NLGN1: variants seen among roughly 807,000 people sequenced by gnomAD.
NLGN1 encodes neuroligin-1.
NLGN1 carries 12 observed loss-of-function variants against 65.5 expected under a neutral mutation model. The ratio of observed to expected loss-of-function variants is 0.18; its 90% CI spans 0.12 to 0.30. NLGN1 has a LOEUF of 0.30. NLGN1 is among the 10% of genes least tolerant of loss of function. The pLI, the probability that NLGN1 is intolerant of heterozygous loss-of-function variation, is 1.00. For missense variants in NLGN1, 750 were observed against 1,007.1 expected (o/e 0.74, Z 3.46); for synonymous variants, 350 against 359.5 (o/e 0.97, Z 0.30).
At chr3:173,905,691 A>G (rs1307560113) in intron 4 of NLGN1, among the ~76,000 whole-genome samples, 1 of 152,204 alleles carries the variant, frequency 6.6e-6, no homozygotes, top group Non-Finnish European at 1.5e-5. Context: ...AATGTTTGGT[A>G]AAAATAACAG....
At chr3:173,736,041 C>T (rs1391649863) in intron 3 of NLGN1, among the ~76,000 whole-genome samples, 2 of 151,842 alleles carry the variant, frequency 1.3e-5, no homozygotes, top group African/African-American at 4.8e-5. Flanking sequence ...GATGGAAGCA[C>T]AGAAAAGTTG....
intron 3 of NLGN1, among the ~76,000 whole-genome samples, chr3:173,767,260 G>A (rs1191406854): frequency 6.6e-6 from 1 of 152,014 alleles, no homozygotes. Flanking sequence ...TCTTATACTT[G>A]ATGACCAAAT....
chr3:173,782,461 A>C (rs755992339), intron 3 of NLGN1, among the ~76,000 whole-genome samples: 3 of 152,230 alleles, frequency 2.0e-5, no homozygotes, highest in Non-Finnish European at 2.9e-5. Context: ...TGTTTTGGTG[A>C]ACTGATAGTA....
chr3:173,583,796 C>T (rs1746799319), intron 2 of NLGN1, among the ~76,000 whole-genome samples: 1 of 152,082 alleles, frequency 6.6e-6, no homozygotes, highest in South Asian at 2.1e-4. Flanking sequence ...TGTTCTGTGA[C>T]CACAGGCTTA....
At chr3:173,938,641 G>T (rs530771912) in intron 4 of NLGN1, among the ~76,000 whole-genome samples, 1 of 152,206 alleles carries the variant, frequency 6.6e-6, no homozygotes, top group Non-Finnish European at 1.5e-5. Context: ...TAATAGATAG[G>T]ATCAAATGAG....
chr3:173,547,181 A>G (rs986918442), intron 2 of NLGN1, among the ~76,000 whole-genome samples: 5 of 152,162 alleles, frequency 3.3e-5, no homozygotes, highest in African/African-American at 9.6e-5. Flanking sequence ...TTCAGCGAAT[A>G]TTAGTCTGAA....
chr3:174,219,405 A>G (rs1738227684), intron 4 of NLGN1, among the ~76,000 whole-genome samples: 1 of 152,080 alleles, frequency 6.6e-6, no homozygotes, highest in South Asian at 2.1e-4. Flanking sequence ...GTTAGACAGT[A>G]TTCCTCAAGA....
chr3:173,946,872 C>T (rs560164804), intron 4 of NLGN1, among the ~76,000 whole-genome samples: 11 of 152,104 alleles, frequency 7.2e-5, no homozygotes, highest in East Asian at 1.9e-4. Flanking sequence ...GACAAGAAAA[C>T]GCAACTTCAG....
At chr3:173,855,086 T>C (rs1256035158) in intron 4 of NLGN1, among the ~76,000 whole-genome samples, 1 of 152,002 alleles carries the variant, frequency 6.6e-6, no homozygotes, top group Non-Finnish European at 1.5e-5. Context: ...CCATAGTCTG[T>C]CACTTTAGAC....
chr3:174,211,737 C>T lies in NLGN1; in HGVS notation c.647-63578C>T, dbSNP rs1208546893. Among the ~76,000 whole-genome samples, 6 of 90,078 alleles carry T rather than the reference C, an allele frequency of 6.7e-5. No homozygotes were observed. In the Admixed American group the frequency reaches 7.5e-4, roughly 11 times the overall value. The allele number at this position is 90,078 out of a possible 152,430, so 59.1% of individuals were successfully genotyped here. A position where few individuals can be genotyped will look rare whatever the true frequency, so the allele number is the denominator to read the frequency against. ...ATCAGATTAGTTAGATACAGAGTTT[C>T]GACACACAGGTTTTCCAAGGCCCCA... On this transcript the variant is annotated intron_variant, in intron 4 of 6. Transcript: ENST00000457714.
At chr3:174,041,439 A>G (rs1344518920) in intron 4 of NLGN1, among the ~76,000 whole-genome samples, 1 of 152,308 alleles carries the variant, frequency 6.6e-6, no homozygotes, top group East Asian at 1.9e-4. Context: ...TAAAACTGCT[A>G]TGAGTGTTAT....
intron 4 of NLGN1, among the ~76,000 whole-genome samples, chr3:174,038,743 T>C (rs1309579205): frequency 1.3e-5 from 2 of 152,146 alleles, no homozygotes; most frequent in Non-Finnish European, 2.9e-5. Flanking sequence ...TAGAGAAATA[T>C]TATGTTCTGG....
At chr3:174,188,475 T>C (rs1731817638) in intron 4 of NLGN1, among the ~76,000 whole-genome samples, 1 of 151,948 alleles carries the variant, frequency 6.6e-6, no homozygotes, top group Non-Finnish European at 1.5e-5. Flanking sequence ...CTCACAATAA[T>C]CCTACTTAAC....
chr3:174,038,892 C>G (rs535617226), intron 4 of NLGN1, among the ~76,000 whole-genome samples: 40 of 152,172 alleles, frequency 2.6e-4, no homozygotes, highest in Non-Finnish European at 5.4e-4. Context: ...TACTCTAGCC[C>G]TCTTAATCTC....
At chr3:174,012,341 C>G (rs1447184356) in intron 4 of NLGN1, among the ~76,000 whole-genome samples, 4 of 152,150 alleles carry the variant, frequency 2.6e-5, no homozygotes, top group Non-Finnish European at 5.9e-5. Context: ...TTCTCTAATT[C>G]ATATTTTCTG....
intron 2 of NLGN1, among the ~76,000 whole-genome samples, chr3:173,451,372 G>T (rs372879201): frequency 5.9e-5 from 9 of 152,296 alleles, no homozygotes; most frequent in African/African-American, 9.6e-5. Context: ...CTGCAGAACA[G>T]TGGATATTGG....
intron 3 of NLGN1, among the ~76,000 whole-genome samples, chr3:173,643,408 A>C (rs1757713889): frequency 2.0e-5 from 3 of 152,140 alleles, no homozygotes; most frequent in Admixed American, 2.0e-4. Context: ...AATGGTAATA[A>C]GAGCATATAA....
chr3:174,182,806 C>G (rs1374030906), intron 4 of NLGN1, among the ~76,000 whole-genome samples: 1 of 152,092 alleles, frequency 6.6e-6, no homozygotes, highest in African/African-American at 2.4e-5. Flanking sequence ...AGATGACTCA[C>G]TTCTCATCTT....
intron 4 of NLGN1, among the ~76,000 whole-genome samples, chr3:173,915,743 T>G (rs1434007336): frequency 6.6e-6 from 1 of 152,206 alleles, no homozygotes; most frequent in Non-Finnish European, 1.5e-5. Context: ...GTTCTTGTCA[T>G]GGGCTAGTCC....
Sources: allele counts gnomAD v4.1 joint callset (sites outside exome capture counted in the v4.1 genomes callset), GRCh38; gene constraint gnomAD v4.1.1; transcripts MANE v1.5; gene names NCBI Gene and HGNC (gene_info 2026-07-23, HGNC 2026-07-21).